The following CHL1 variants were observed in gnomAD, a reference collection of about 807,000 sequenced individuals.
CHL1 encodes the protein neural cell adhesion molecule L1-like protein.
Under a neutral mutation model 141.9 loss-of-function variants are expected in CHL1, and 96 were observed. The ratio of observed to expected loss-of-function variants is 0.68; its 90% CI spans 0.57 to 0.80. The LOEUF is 0.80. Among genes scored for constraint, CHL1 ranks in the 30% least tolerant of loss-of-function variants. CHL1 has a pLI of 0.00. For synonymous variants in CHL1, 613 were observed against 502.2 expected (o/e 1.22, Z -2.95); for missense variants, 1,820 against 1,457.2 (o/e 1.25, Z -4.05).
intron 5 of CHL1, among the ~76,000 whole-genome samples, chr3:329,084 C>T (rs1229171517): frequency 6.6e-6 from 1 of 152,064 alleles, no homozygotes; most frequent in Non-Finnish European, 1.5e-5. Flanking sequence ...CCTGAAGTAG[C>T]GTACTTTATT....
Position 328,364 on chromosome 3 carries a change from A to C in CHL1, c.385+10A>C. 6.3e-7 allele frequency: 1 copy of C among 1,595,560 alleles called. No individual in the cohort carries two copies. Among genetic ancestry groups the C allele is most frequent in the Non-Finnish European group, 8.5e-7 (1 of 1,170,044 alleles). On this transcript the variant is annotated intron_variant, in intron 5 of 27. Transcript: ENST00000256509. ...GAATTTATAGTTCCAAGTAAGTACT[A>C]TAACGGGAATTTCATTTTACAAGTG...
chr3:325,978 C>T lies in CHL1; in HGVS notation c.111C>T (p.Ile37=). The T allele has an allele frequency of 9.3e-6, 15 of 1,609,942 alleles. No individual in the cohort carries two copies. Among genetic ancestry groups the T allele is most frequent in the Non-Finnish European group, 1.3e-5 (15 of 1,177,180 alleles). Residue 37 remains isoleucine (I), a synonymous_variant, in exon 4 of 28, where the codon ATC becomes ATT. Transcript: ENST00000256509. ...ATTTAGTTCAACAGGTTCCAACAAT[C>T]ATAAAACAGTCAAAAGTCCAAGTTG... ...IPSSVQQVPT[I]IKQSKVQVAF... is the part of the protein sequence containing the mutation.
At chr3:378,474 G>A (rs1017461895) in intron 16 of CHL1, among the ~76,000 whole-genome samples, 2 of 152,176 alleles carry the variant, frequency 1.3e-5, no homozygotes, top group African/African-American at 2.4e-5. Context: ...AGGAAACAGT[G>A]TGCACACTTC....
At chr3:323,407 A>G (rs1700752366) in intron 3 of CHL1, among the ~76,000 whole-genome samples, 1 of 152,114 alleles carries the variant, frequency 6.6e-6, no homozygotes, top group African/African-American at 2.4e-5. Context: ...AAGACACAAA[A>G]TTCAGTGAGC....
intron 2 of CHL1, among the ~76,000 whole-genome samples, chr3:258,864 TCC>T (rs539798755): frequency 0.053 from 8,036 of 151,018 alleles, 690 homozygotes; most frequent in African/African-American, 0.19. Flanking sequence ...ATTAACTAAG[TCC>T]CCTTTTTTTT....
rs779246053 is a variant in CHL1 at position 238,699 on chromosome 3, T to C, written c.-174-5914T>C. 5.9e-5 allele frequency among the ~76,000 whole-genome samples: 9 copies of C among 151,526 alleles called. 1 individual carries two copies. The highest frequency in any genetic ancestry group is 3.4e-3 in the Middle Eastern group (1 of 294). ...CAGCACTTTGGGAGGCCGAGGTGGG[T>C]GGATCACCTGAGGTCAGGAGTTCGA... On this transcript the variant is annotated intron_variant, in intron 1 of 27. Coordinates refer to ENST00000256509, the MANE Select transcript of CHL1 (RefSeq NM_006614.4).
At chr3:326,819 A>G (rs1001907587) in intron 4 of CHL1, among the ~76,000 whole-genome samples, 4 of 152,040 alleles carry the variant, frequency 2.6e-5, no homozygotes, top group African/African-American at 9.6e-5. Context: ...GAATATCCAT[A>G]TTTAATGAAA....
intron 11 of CHL1, among the ~76,000 whole-genome samples, chr3:359,806 T>C (rs1339211504): frequency 6.6e-6 from 1 of 152,072 alleles, no homozygotes; most frequent in Admixed American, 6.6e-5. Context: ...ATGGTGCAGA[T>C]CAGAAAACTG....
chr3:361,584 C>A, intron 12 of CHL1, 115 bp from the exon 13 acceptor site: 1 of 679,696 alleles, frequency 1.5e-6, no homozygotes, highest in Non-Finnish European at 2.6e-6. Flanking sequence ...AAACAGACAC[C>A]ATAATATTCT....
chr3:197,670 A>G (rs1189108773), intron 1 of CHL1: 2 of 378,762 alleles, frequency 5.3e-6, no homozygotes, highest in African/African-American at 2.1e-5. Context: ...GGAGCGGGGA[A>G]TCCATGGACC....
At chr3:340,661 G>GT (rs1702278164) in intron 5 of CHL1, 133 bp from the exon 6 acceptor site, 1 of 718,290 alleles carries the variant, frequency 1.4e-6, no homozygotes, top group African/African-American at 1.8e-5. Context: ...AAGGGGAGAT[G>GT]TAAGAACCAG....
chr3:318,236 T>G (rs1243712033), intron 2 of CHL1, among the ~76,000 whole-genome samples: 1 of 151,894 alleles, frequency 6.6e-6, no homozygotes, highest in Admixed American at 6.6e-5. Flanking sequence ...AATCGGTACA[T>G]ATATACAAAA....
intron 1 of CHL1, among the ~76,000 whole-genome samples, chr3:205,378 T>G (rs1022792969): frequency 3.9e-5 from 6 of 152,174 alleles, no homozygotes; most frequent in African/African-American, 1.4e-4. Flanking sequence ...CCTCTCAAAG[T>G]ACTGGGATTA....
intron 1 of CHL1, among the ~76,000 whole-genome samples, chr3:205,634 T>G (rs1699365371): frequency 6.6e-6 from 1 of 152,138 alleles, no homozygotes; most frequent in Admixed American, 6.5e-5. Context: ...CTTATGTTTG[T>G]GTGTGTCTGT....
intron 11 of CHL1, among the ~76,000 whole-genome samples, chr3:356,633 G>T (rs1038893467): frequency 4.6e-5 from 7 of 152,188 alleles, no homozygotes; most frequent in African/African-American, 1.7e-4. Context: ...AGACCCCTGT[G>T]GTAATTTACC....
chr3:362,648 G>A (rs1202784486), intron 13 of CHL1, among the ~76,000 whole-genome samples: 3 of 151,788 alleles, frequency 2.0e-5, no homozygotes, highest in South Asian at 4.2e-4. Flanking sequence ...AACTCAAGCA[G>A]TCGCTTATTG....
intron 23 of CHL1, among the ~76,000 whole-genome samples, chr3:393,687 C>T (rs17037414): frequency 0.036 from 5,435 of 151,914 alleles, 139 homozygotes; most frequent in African/African-American, 0.079. Flanking sequence ...TGTATGAGAG[C>T]TCTATGTATA....
chr3:350,958 C>T (rs987819478), intron 10 of CHL1, among the ~76,000 whole-genome samples: 2 of 152,070 alleles, frequency 1.3e-5, no homozygotes, highest in South Asian at 4.2e-4. Context: ...TTGGCTACAT[C>T]GTGCAACAGG....
At chr3:291,545 T>C (rs1697698277) in intron 2 of CHL1, among the ~76,000 whole-genome samples, 1 of 152,012 alleles carries the variant, frequency 6.6e-6, no homozygotes, top group Admixed American at 6.6e-5. Flanking sequence ...CCAATAATAG[T>C]ATTTTTAGGA....
Sources: allele counts gnomAD v4.1 joint callset (sites outside exome capture counted in the v4.1 genomes callset), GRCh38; gene constraint gnomAD v4.1.1; transcripts MANE v1.5; gene names NCBI Gene and HGNC (gene_info 2026-07-23, HGNC 2026-07-21).